The following TENM4 variants were observed in gnomAD, a reference collection of about 807,000 sequenced individuals.
TENM4 encodes teneurin transmembrane protein 4, also known as teneurin-4.
A neutral mutation model predicts 243.3 loss-of-function variants in TENM4; 82 were observed. That is an observed-to-expected ratio of 0.34 (90% CI 0.28 to 0.40). The LOEUF (loss-of-function observed/expected upper bound fraction) is 0.40. TENM4 is among the 10% of genes least tolerant of loss of function. The pLI, the probability that TENM4 is intolerant of heterozygous loss-of-function variation, is 1.00. For missense variants in TENM4, 3,138 were observed against 3,673.3 expected (o/e 0.85, Z 3.77); for synonymous variants, 1,412 against 1,456.3 (o/e 0.97, Z 0.69).
chr11:79,148,089 C>T (rs567170514), intron 4 of TENM4, among the ~76,000 whole-genome samples: 2 of 152,142 alleles, frequency 1.3e-5, no homozygotes, highest in East Asian at 3.9e-4. Flanking sequence ...TTGGGTTTAC[C>T]CTGCTTTGAT....
chr11:79,284,204 G>A (rs1856208767), intron 2 of TENM4, among the ~76,000 whole-genome samples: 1 of 152,092 alleles, frequency 6.6e-6, no homozygotes, highest in Non-Finnish European at 1.5e-5. Context: ...ATTTACTAGT[G>A]TATCCTGAAC....
intron 2 of TENM4, among the ~76,000 whole-genome samples, chr11:79,226,084 T>C (rs1253831470): frequency 6.6e-6 from 1 of 152,154 alleles, no homozygotes; most frequent in African/African-American, 2.4e-5. Flanking sequence ...CCTGGTGTTT[T>C]CTTTAATCTA....
chr11:79,116,743 G>A (rs751669830), intron 4 of TENM4, among the ~76,000 whole-genome samples: 1 of 152,144 alleles, frequency 6.6e-6, no homozygotes, highest in Non-Finnish European at 1.5e-5. Context: ...TATATCGCCT[G>A]GGGCCAGGTA....
intron 1 of TENM4, among the ~76,000 whole-genome samples, chr11:79,429,152 A>G (rs537168024): frequency 6.6e-6 from 1 of 152,342 alleles, no homozygotes; most frequent in African/African-American, 2.4e-5. Flanking sequence ...TGGCAAAGAA[A>G]CAGAGCTGGA....
intron 6 of TENM4, among the ~76,000 whole-genome samples, chr11:78,930,295 C>T (rs192927750): frequency 4.2e-4 from 64 of 152,228 alleles, no homozygotes; most frequent in African/African-American, 1.5e-3. Context: ...ATCAATGTTC[C>T]GAAAGCTCTG....
At position 79,104,592 on chromosome 11, in the gene TENM4, G is replaced by A. The variant is rs374649575; in HGVS notation, c.-65-34583C>T. Reference sequence around the variant, plus strand: ...TTCCCCATATGGAGTAACCCTCATTGATTTAACCGGACCCTGCAGGTGGAC... The same window carrying A: ...TTCCCCATATGGAGTAACCCTCATTAATTTAACCGGACCCTGCAGGTGGAC... On this transcript the variant is annotated intron_variant, in intron 4 of 33. Coordinates refer to ENST00000278550, the MANE Select transcript of TENM4 (RefSeq NM_001098816.3). 2.1e-3 allele frequency among the ~76,000 whole-genome samples: 317 copies of A among 152,322 alleles called. 16 individuals are homozygous for A. The South Asian group carries it at 0.063, about 30-fold the overall frequency.
chr11:79,397,261 C>G (rs933746457), intron 1 of TENM4, among the ~76,000 whole-genome samples: 1 of 152,180 alleles, frequency 6.6e-6, no homozygotes, highest in Admixed American at 6.5e-5. Flanking sequence ...CATTTTATTT[C>G]ATCCTCAACA....
At chr11:78,826,496 C>A (rs1381348288) in intron 12 of TENM4, among the ~76,000 whole-genome samples, 1 of 152,104 alleles carries the variant, frequency 6.6e-6, no homozygotes, top group African/African-American at 2.4e-5. Context: ...TGGACTGTAC[C>A]TGGAAAATGG....
chr11:79,261,134 G>A (rs1855788727), intron 2 of TENM4, among the ~76,000 whole-genome samples: 1 of 152,168 alleles, frequency 6.6e-6, no homozygotes, highest in African/African-American at 2.4e-5. Flanking sequence ...GCTGTCTAGT[G>A]GGTAATTTCT....
chr11:79,302,637 T>C (rs377229143), intron 1 of TENM4, among the ~76,000 whole-genome samples: 13 of 152,324 alleles, frequency 8.5e-5, no homozygotes, highest in East Asian at 7.7e-4. Flanking sequence ...CTTGAATTGA[T>C]TGTTGGTCAG....
At chr11:78,769,748 C>T (rs376306864) in intron 18 of TENM4, among the ~76,000 whole-genome samples, 15 of 152,346 alleles carry the variant, frequency 9.8e-5, no homozygotes, top group South Asian at 4.1e-4. Context: ...GGCCTGGGTA[C>T]ATCAGGCCCA....
intron 15 of TENM4, among the ~76,000 whole-genome samples, chr11:78,793,408 A>G (rs1288678682): frequency 6.6e-6 from 1 of 152,190 alleles, no homozygotes; most frequent in East Asian, 1.9e-4. Context: ...ATAAGTCTGC[A>G]TTTAGCACTA....
Position 78,702,287 on chromosome 11 carries a change from G to C in TENM4, c.4326C>G (p.Ala1442=). 6.2e-7 allele frequency: 1 copy of C among 1,614,016 alleles called. No individual in the cohort carries two copies. The highest frequency in any genetic ancestry group is 1.3e-5 in the African/African-American group (1 of 75,056). ...GGACCTGGCAGTGCATGGGCCTCCC[G>C]GCGACAATGCGCACCTGGTGGTTTT... ...ISENHQVRIV[A]GRPMHCQVPG... The change falls in exon 28 of 34, where the codon GCC becomes GCG. Residue 1442 remains alanine (A), a synonymous_variant. Coordinates refer to ENST00000278550, the MANE Select transcript of TENM4 (RefSeq NM_001098816.3).
chr11:78,911,526 T>G (rs1175147324), intron 6 of TENM4, among the ~76,000 whole-genome samples: 1 of 152,176 alleles, frequency 6.6e-6, no homozygotes, highest in Non-Finnish European at 1.5e-5. Flanking sequence ...CTTGCTATTG[T>G]TTGGATGTGT....
At chr11:79,246,802 G>A (rs1199748255) in intron 2 of TENM4, among the ~76,000 whole-genome samples, 2 of 152,092 alleles carry the variant, frequency 1.3e-5, no homozygotes, top group East Asian at 1.9e-4. Context: ...GTGTTACTAC[G>A]AGGTGGAGGT....
intron 12 of TENM4, among the ~76,000 whole-genome samples, chr11:78,829,146 G>A (rs894036089): frequency 6.6e-6 from 1 of 152,218 alleles, no homozygotes; most frequent in Non-Finnish European, 1.5e-5. Flanking sequence ...CTTTCTACTT[G>A]TCCACTGGGC....
intron 27 of TENM4, among the ~76,000 whole-genome samples, chr11:78,707,877 G>A (rs650881): frequency 0.043 from 6,548 of 152,320 alleles, 310 homozygotes; most frequent in African/African-American, 0.12. Flanking sequence ...TACTGAGTGA[G>A]TGAGTGGCAA....
chr11:79,044,644 C>T (rs1734903548), intron 6 of TENM4, among the ~76,000 whole-genome samples: 1 of 152,200 alleles, frequency 6.6e-6, no homozygotes, highest in Non-Finnish European at 1.5e-5. Context: ...TATCCTATTA[C>T]ATTCCTTAAG....
intron 3 of TENM4, among the ~76,000 whole-genome samples, chr11:79,162,601 T>C (rs2135089383): frequency 6.6e-6 from 1 of 152,318 alleles, no homozygotes; most frequent in Non-Finnish European, 1.5e-5. Flanking sequence ...TATTTAATTT[T>C]CTTTAGCCTG....
Sources: gnomAD v4.1 joint callset for allele counts (sites outside exome capture counted in the v4.1 genomes callset) on GRCh38, gnomAD v4.1.1 for gene constraint, MANE v1.5 for transcripts, NCBI Gene and HGNC (gene_info 2026-07-23, HGNC 2026-07-21) for gene names.